The following ACACB variants were observed in gnomAD, a reference collection of about 807,000 sequenced individuals.
ACACB encodes acetyl-CoA carboxylase 2.
ACACB carries 209 observed loss-of-function variants against 278.8 expected under a neutral mutation model. The ratio of observed to expected loss-of-function variants is 0.75; its 90% confidence interval spans 0.67 to 0.84. ACACB has a LOEUF of 0.84. Ranked by LOEUF, ACACB falls within the 40% of genes least tolerant of loss-of-function variation. The probability of loss-of-function intolerance (pLI) is 0.00; values close to 1 mark genes in which losing one functional copy is unlikely to be tolerated. For synonymous variants in ACACB, 1,174 were observed against 1,285.6 expected (o/e 0.91, Z 1.86); for missense variants, 2,850 against 3,269.0 (o/e 0.87, Z 3.13).
At chr12:109,184,417 C>G (rs1440838956) in intron 11 of ACACB, among the ~76,000 whole-genome samples, 2 of 152,188 alleles carry the variant, frequency 1.3e-5, no homozygotes, top group African/African-American at 4.8e-5. Context: ...CTGAATACTT[C>G]ATTCTAAAGG....
At chr12:109,115,118 T>G (rs2042378006), upstream of ACACB, among the ~76,000 whole-genome samples, 1 of 152,176 alleles carries the variant, frequency 6.6e-6, no homozygotes, top group African/African-American at 2.4e-5. Flanking sequence ...AGTAATGAAT[T>G]TCATTAGAAA....
At position 109,124,040 on chromosome 12, in the gene ACACB, C is replaced by T. The variant is rs985673226; in HGVS notation, c.-10+7336C>T. ...CAGCTAGATGTCACACTGTTTTGCC[C>T]GTAATACTTTAGCACACATTTCTAA... On this transcript the variant is annotated intron_variant, in intron 1 of 52. Transcript: ENST00000338432. Among the ~76,000 whole-genome samples, 7 of 151,924 alleles carry T rather than the reference C, an allele frequency of 4.6e-5. No homozygotes were observed. The South Asian group carries it at 8.3e-4, about 18-fold the overall frequency.
At chr12:109,192,978 G>C (rs921425469) in intron 15 of ACACB, among the ~76,000 whole-genome samples, 2 of 152,142 alleles carry the variant, frequency 1.3e-5, no homozygotes, top group African/African-American at 4.8e-5. Context: ...AATGTTTTTA[G>C]TGTTTGGTTA....
intron 28 of ACACB, among the ~76,000 whole-genome samples, chr12:109,229,991 C>T (rs917322752): frequency 2.6e-5 from 4 of 152,154 alleles, no homozygotes; most frequent in East Asian, 1.9e-4. Flanking sequence ...TTCTCTCTCA[C>T]GCTCCCTCAC....
chr12:109,242,301 C>T, intron 36 of ACACB, 136 bp from the exon 37 acceptor site: 1 of 955,848 alleles, frequency 1.0e-6, no homozygotes, highest in East Asian at 2.5e-5. Flanking sequence ...TTACGTAGCC[C>T]AGGCACTCAC....
chr12:109,245,798 A>G (rs1232421308), intron 38 of ACACB, 50 bp downstream of exon 38: 12 of 1,599,702 alleles, frequency 7.5e-6, no homozygotes, highest in Non-Finnish European at 9.4e-6. Context: ...CCCCTTAAAA[A>G]TATTTTTGGG....
At chr12:109,161,840 T>C (rs1038722010) in intron 2 of ACACB, among the ~76,000 whole-genome samples, 1 of 152,146 alleles carries the variant, frequency 6.6e-6, no homozygotes, top group Non-Finnish European at 1.5e-5. Context: ...TAACACATCA[T>C]TGCAGAACAT....
In ACACB at chr12:109,237,881, G is replaced by A. The variant is rs547596463; in HGVS notation, c.4662+501G>A. ...ACAAAAATTACCTGGGCGTGGTGGC[G>A]TACACCTGTAATTCCAGCTACTCAG... On this transcript the variant is annotated intron_variant, in intron 34 of 52. Transcript: ENST00000338432. 6.1e-4 allele frequency among the ~76,000 whole-genome samples: 92 copies of A among 151,842 alleles called. 4 individuals carry two copies. Among genetic ancestry groups the A allele is most frequent in the South Asian group, 4.2e-4 (2 of 4,800 alleles).
At chr12:109,195,743 A>G (rs1291282547) in intron 16 of ACACB, among the ~76,000 whole-genome samples, 1 of 151,982 alleles carries the variant, frequency 6.6e-6, no homozygotes, top group African/African-American at 2.4e-5. Flanking sequence ...TTTTAACACG[A>G]GTCTAAACTC....
At chr12:109,259,567 A>C (rs1230385914) in intron 47 of ACACB, among the ~76,000 whole-genome samples, 1 of 141,046 alleles carries the variant, frequency 7.1e-6, no homozygotes, top group Non-Finnish European at 1.6e-5. Flanking sequence ...CCATCTCAAA[A>C]AAAAAAACAA....
intron 34 of ACACB, 102 bp downstream of exon 34, chr12:109,237,482 A>C: frequency 5.3e-5 from 65 of 1,236,612 alleles, no homozygotes; most frequent in Non-Finnish European, 7.2e-5. Flanking sequence ...GGGGATGGAG[A>C]GTACACCAAC....
intron 2 of ACACB, among the ~76,000 whole-genome samples, chr12:109,165,160 C>T (rs1336345733): frequency 2.0e-5 from 3 of 151,974 alleles, no homozygotes; most frequent in African/African-American, 7.3e-5. Flanking sequence ...CCAAGAAAGA[C>T]GAGCCACCCA....
chr12:109,211,019 GCGT>G (rs1468839776), intron 21 of ACACB, among the ~76,000 whole-genome samples: 2 of 151,406 alleles, frequency 1.3e-5, no homozygotes, highest in African/African-American at 4.9e-5. Context: ...CATCGGCCTC[GCGT>G]TGTTCATTTT....
chr12:109,197,127 C>T lies in ACACB; in HGVS notation c.2601C>T (p.Thr867=), dbSNP rs1387001231. Residue 867 remains threonine (T), a synonymous_variant, in exon 17 of 53, where the codon ACC becomes ACT. Coordinates refer to ENST00000338432, the MANE Select transcript of ACACB (RefSeq NM_001093.4). ...TCTCCTACAATGGGAACAGCTACAC[C>T]ACCTACATGAAGGAAGAGGTTGACA... ...LLLSYNGNSY[T]TYMKEEVDSY... is the part of the protein sequence containing the mutation. 2.5e-6 allele frequency: 4 copies of T among 1,605,172 alleles called. No homozygotes were observed. The highest frequency in any genetic ancestry group is 2.7e-5 in the African/African-American group (2 of 74,490).
At chr12:109,264,209 C>G in intron 49 of ACACB, 23 bp from the exon 50 acceptor site, 6 of 1,612,220 alleles carry the variant, frequency 3.7e-6, no homozygotes, top group Non-Finnish European at 5.1e-6. Context: ...CATGGCTTGA[C>G]TGGCCTTTCT....
chr12:109,249,897 G>A (rs556466656), intron 40 of ACACB, 87 bp from the exon 41 acceptor site: 2 of 1,480,388 alleles, frequency 1.4e-6, no homozygotes, highest in African/African-American at 1.4e-5. Context: ...TCACCTTGCT[G>A]CCCAGTCAGT....
intron 48 of ACACB, among the ~76,000 whole-genome samples, chr12:109,261,880 CAAA>C (rs757106164): frequency 2.3e-5 from 2 of 86,084 alleles, no homozygotes; most frequent in Non-Finnish European, 2.5e-5. Context: ...AAAAAAAAAA[CAAA>C]AAAAAAAAAA....
chr12:109,264,690 A>G (rs2047468494), intron 50 of ACACB, among the ~76,000 whole-genome samples: 1 of 152,044 alleles, frequency 6.6e-6, no homozygotes, highest in Admixed American at 6.5e-5. Flanking sequence ...TTGGACCTGG[A>G]CCAGGGGTAG....
rs191797150 is a variant in ACACB at position 109,257,194 on chromosome 12, A to G, written c.6263+958A>G. On this transcript the variant is annotated intron_variant, in intron 45 of 52. Coordinates refer to ENST00000338432, the MANE Select transcript of ACACB (RefSeq NM_001093.4). Reference sequence around the variant, plus strand: ...GGGGCTGAAGCAGCAGAATTGCTTGAACCCAGAAGGTGGATGTTGCAGTGA... The same window carrying G: ...GGGGCTGAAGCAGCAGAATTGCTTGGACCCAGAAGGTGGATGTTGCAGTGA... Among the ~76,000 whole-genome samples the G allele has an allele frequency of 1.3e-3, 200 of 152,270 alleles. 3 individuals carry two copies. Among genetic ancestry groups the G allele is most frequent in the African/African-American group, 4.4e-3 (181 of 41,542 alleles).
Sources: allele counts gnomAD v4.1 joint callset (sites outside exome capture counted in the v4.1 genomes callset), GRCh38; gene constraint gnomAD v4.1.1; transcripts MANE v1.5; gene names NCBI Gene and HGNC (gene_info 2026-07-23, HGNC 2026-07-21).